The following EIF4G3 variants were observed in gnomAD, a reference collection of about 807,000 sequenced individuals.
EIF4G3 encodes eukaryotic translation initiation factor 4 gamma 3.
EIF4G3 carries 34 observed loss-of-function variants against 186.4 expected under a neutral mutation model. That is an observed-to-expected ratio of 0.18 (90% confidence interval 0.14 to 0.24). The LOEUF (loss-of-function observed/expected upper bound fraction) is 0.24. EIF4G3 is among the 10% of genes least tolerant of loss of function. The pLI is 1.00. For synonymous variants in EIF4G3, 673 were observed against 679.5 expected, an observed-to-expected ratio of 0.99 and a Z score of 0.15; for missense variants, 1,536 against 1,948.5, an observed-to-expected ratio of 0.79 and a Z score of 3.99.
intron 18 of EIF4G3, among the ~76,000 whole-genome samples, chr1:20,888,316 TAA>T (rs1242821391): frequency 1.3e-5 from 2 of 152,168 alleles, no homozygotes; most frequent in African/African-American, 2.4e-5. Flanking sequence ...TAGTCCAGGA[TAA>T]AATAGTTAAA....
intron 14 of EIF4G3, among the ~76,000 whole-genome samples, chr1:20,931,887 T>C (rs900042340): frequency 2.0e-5 from 3 of 151,178 alleles, no homozygotes; most frequent in African/African-American, 7.3e-5. Flanking sequence ...ATGGTGCCAC[T>C]GCACTCCAGG....
intron 24 of EIF4G3, among the ~76,000 whole-genome samples, chr1:20,858,654 A>G (rs1466406328): frequency 6.6e-6 from 1 of 152,156 alleles, no homozygotes; most frequent in African/African-American, 2.4e-5. Flanking sequence ...TGTAAGCCGC[A>G]TGATGGAAGG....
chr1:20,843,019 A>T (rs987713351), intron 29 of EIF4G3, among the ~76,000 whole-genome samples: 2 of 151,920 alleles, frequency 1.3e-5, no homozygotes, highest in South Asian at 2.1e-4. Context: ...ATTTAAAAAA[A>T]TTTTTTTGTA....
rs1266055552 is a variant in EIF4G3, at chr1:21,065,899, G to C, written c.-195-14905C>G. 3.3e-5 allele frequency among the ~76,000 whole-genome samples: 5 copies of C among 152,228 alleles called. No individual in the cohort carries two copies. In the East Asian group the frequency reaches 9.6e-4, roughly 29 times the overall value. ...TGCTTGATTTTCATTTATACAAATG[G>C]GGGTGAGAGTGTTACAATAAACCTA... On this transcript the variant is annotated intron_variant, in intron 3 of 36. Transcript: ENST00000602326.
chr1:21,120,619 CAAA>C (rs67743322), intron 2 of EIF4G3, among the ~76,000 whole-genome samples: 6 of 74,186 alleles, frequency 8.1e-5, no homozygotes, highest in Admixed American at 1.5e-4. Context: ...GACTCCATCT[CAAA>C]AAAAAAAAAA....
chr1:20,813,090 T>C (rs2059591607), intron 35 of EIF4G3, 68 bp downstream of exon 35: 1 of 1,091,988 alleles, frequency 9.2e-7, no homozygotes, highest in African/African-American at 1.6e-5. Flanking sequence ...AAAATCAAAC[T>C]GTATACTTAG....
chr1:21,039,925 G>A (rs146347981), intron 4 of EIF4G3, among the ~76,000 whole-genome samples: 50 of 152,226 alleles, frequency 3.3e-4, no homozygotes, highest in East Asian at 1.5e-3. Flanking sequence ...ATCAATAATC[G>A]TTAGTGACAT....
chr1:20,871,450 G>T (rs574975873), intron 20 of EIF4G3, among the ~76,000 whole-genome samples: 7 of 152,230 alleles, frequency 4.6e-5, no homozygotes, highest in African/African-American at 1.7e-4. Context: ...TCCTGAAGTG[G>T]GGGTGGGAGG....
intron 4 of EIF4G3, chr1:21,003,606 A>G: frequency 3.2e-6 from 1 of 309,396 alleles, no homozygotes; most frequent in Non-Finnish European, 6.3e-6. Context: ...AAGGTCCATG[A>G]TGCCAGCTAA....
chr1:20,943,974 TTGTGTGTGTGTG>T (rs1163268356), intron 13 of EIF4G3, among the ~76,000 whole-genome samples: 73 of 62,536 alleles, frequency 1.2e-3, no homozygotes, highest in African/African-American at 3.8e-3. Flanking sequence ...TTTATTTTTT[TTGTGTGTGTGTG>T]TGTGTGTGTG....
chr1:21,114,148 CTTT>C (rs760394574), intron 2 of EIF4G3, among the ~76,000 whole-genome samples: 1 of 144,420 alleles, frequency 6.9e-6, no homozygotes, highest in Non-Finnish European at 1.5e-5. Context: ...GAAAGCTGTA[CTTT>C]TTTTTTTTTT....
At chr1:21,021,466 T>C (rs954415677) in intron 4 of EIF4G3, among the ~76,000 whole-genome samples, 1 of 152,208 alleles carries the variant, frequency 6.6e-6, no homozygotes, top group African/African-American at 2.4e-5. Flanking sequence ...AGCTCAGGCT[T>C]CCAAGTGCTC....
intron 2 of EIF4G3, among the ~76,000 whole-genome samples, chr1:21,125,625 A>T (rs1572927329): frequency 6.6e-6 from 1 of 152,062 alleles, no homozygotes. Flanking sequence ...AGGCTAAGAC[A>T]GGAGAATCGC....
At chr1:20,863,265 A>T (rs2076748853) in intron 22 of EIF4G3, among the ~76,000 whole-genome samples, 2 of 151,862 alleles carry the variant, frequency 1.3e-5, no homozygotes, top group African/African-American at 4.8e-5. Flanking sequence ...AGGCATAGTG[A>T]CTGATACCTG....
intron 12 of EIF4G3, among the ~76,000 whole-genome samples, chr1:20,967,946 T>C (rs941608214): frequency 8.5e-5 from 13 of 152,156 alleles, no homozygotes; most frequent in African/African-American, 1.4e-4. Context: ...TTTCTAGACA[T>C]TAGGCTTTCA....
chr1:20,924,230 A>G (rs1425995750), intron 14 of EIF4G3, among the ~76,000 whole-genome samples: 1 of 152,220 alleles, frequency 6.6e-6, no homozygotes, highest in African/African-American at 2.4e-5. Context: ...TGAAATTTAA[A>G]GAACTGTCAG....
intron 14 of EIF4G3, among the ~76,000 whole-genome samples, chr1:20,931,583 T>C (rs903615321): frequency 6.6e-6 from 1 of 152,196 alleles, no homozygotes; most frequent in Non-Finnish European, 1.5e-5. Flanking sequence ...GCCTGTCTTT[T>C]GTAGCTTTAA....
At chr1:21,169,606 C>T (rs1279372151) in intron 2 of EIF4G3, 1 of 152,142 alleles carries the variant, frequency 6.6e-6, no homozygotes, top group Non-Finnish European at 1.5e-5. Context: ...TATTTGACTA[C>T]AGATGTTGTT....
chr1:20,921,261 T>C (rs907618307), intron 14 of EIF4G3, among the ~76,000 whole-genome samples: 48 of 152,180 alleles, frequency 3.2e-4, no homozygotes, highest in African/African-American at 1.1e-3. Context: ...CAATACAATT[T>C]TGATGTAGAA....
Sources: gnomAD v4.1 joint callset for allele counts (sites outside exome capture counted in the v4.1 genomes callset) on GRCh38, gnomAD v4.1.1 for gene constraint, MANE v1.5 for transcripts, NCBI Gene and HGNC (gene_info 2026-07-23, HGNC 2026-07-21) for gene names.